The following PROX1 variants were observed in gnomAD, a reference collection of about 807,000 sequenced individuals.
The protein encoded by PROX1 is prospero homeobox protein 1.
In PROX1, 7 loss-of-function variants were observed where a neutral mutation model predicts 58.8. The ratio of observed to expected loss-of-function variants is 0.12; its 90% CI spans 0.07 to 0.22. The LOEUF (loss-of-function observed/expected upper bound fraction) is 0.22. Ranked by LOEUF, PROX1 falls within the 10% of genes least tolerant of loss-of-function variation. PROX1 has a pLI of 1.00. For missense variants in PROX1, 675 were observed against 927.8 expected (o/e 0.73, Z 3.54); for synonymous variants, 350 against 358.3 (o/e 0.98, Z 0.26).
chr1:213,986,388 G>C (rs939646230), upstream of PROX1: 2 of 152,144 alleles, frequency 1.3e-5, no homozygotes, highest in Non-Finnish European at 2.9e-5. Flanking sequence ...CGTGCCAAAA[G>C]TTTCCTGCCG....
rs762987208 is a variant in PROX1 at position 213,997,463 on chromosome 1, C to A, written c.928C>A (p.Arg310=). ...GCTAGACCCAGGACAGTTTATTGACCGAGCTCGAGCCCTGATCAGAGAGCA... is the reference window on the plus strand; with the variant it reads ...GCTAGACCCAGGACAGTTTATTGACAGAGCTCGAGCCCTGATCAGAGAGCA... The part of the protein sequence containing the change: ...CELDPGQFID[R]ARALIREQEM... Residue 310 remains arginine, a synonymous_variant, in exon 2 of 5, where the codon CGA becomes AGA. Coordinates refer to ENST00000366958, the MANE Select transcript of PROX1 (RefSeq NM_001270616.2). The surrounding 1 kb of genome is among the most constrained non-coding windows in gnomAD (Gnocchi z 7.1). 1.2e-6 allele frequency: 2 copies of A among 1,614,052 alleles called. No individual in the cohort carries two copies. Among genetic ancestry groups the A allele is most frequent in the East Asian group, 2.2e-5 (1 of 44,878 alleles).
intron 1 of PROX1, 67 bp from the exon 2 acceptor site, chr1:213,996,402 T>C (rs982954697): frequency 1.9e-6 from 2 of 1,075,348 alleles, no homozygotes; most frequent in Non-Finnish European, 2.6e-6. Context: ...TGATTCAGGA[T>C]TGAGGTCAGG....
chr1:214,035,544 T>C, intron 4 of PROX1, 105 bp from the exon 5 acceptor site: 2 of 1,154,878 alleles, frequency 1.7e-6, no homozygotes, highest in Non-Finnish European at 2.4e-6. Context: ...GCAGGTGCCA[T>C]GTAAGCCCCT....
Position 214,008,056 on chromosome 1 carries a change from A to AT in PROX1, c.1833+2796dup, listed in dbSNP as rs3835650. ...TCAAATAATAAAGTTATTTTATTCA[A>AT]TTTTTTTTTTTTGAGACGGAATTTC... is the stretch of plus-strand genomic sequence containing the variant. On this transcript the variant is annotated intron_variant, in intron 3 of 4. Transcript: ENST00000366958. Among the ~76,000 whole-genome samples, 519 of 149,044 alleles carry AT rather than the reference A, an allele frequency of 3.5e-3. 2 individuals are homozygous for AT. Among genetic ancestry groups the AT allele is most frequent in the African/African-American group, 0.011 (465 of 40,674 alleles).
chr1:213,993,146 AT>A (rs1663097640), intron 1 of PROX1, among the ~76,000 whole-genome samples: 3 of 152,218 alleles, frequency 2.0e-5, no homozygotes, highest in Non-Finnish European at 4.4e-5. Context: ...AAAATATTTA[AT>A]GATGAAAAAC....
At chr1:213,987,314 G>A (rs1452677351), upstream of PROX1, among the ~76,000 whole-genome samples, 1 of 151,810 alleles carries the variant, frequency 6.6e-6, no homozygotes, top group Non-Finnish European at 1.5e-5. Context: ...GTATTTTATT[G>A]TCCACCTCCC....
At chr1:213,999,211 AT>A (rs990378814) in intron 2 of PROX1, among the ~76,000 whole-genome samples, 60 of 151,520 alleles carry the variant, frequency 4.0e-4, no homozygotes, top group Middle Eastern at 3.4e-3. Context: ...TTAACTGAAG[AT>A]TTTTTTTTCT....
chr1:214,006,543 G>A (rs1663719702), intron 3 of PROX1, among the ~76,000 whole-genome samples: 1 of 152,202 alleles, frequency 6.6e-6, no homozygotes, highest in Non-Finnish European at 1.5e-5. Context: ...ATAAGACTAA[G>A]TGAGCACAAA....
intron 1 of PROX1, among the ~76,000 whole-genome samples, chr1:213,991,883 T>C (rs1478535023): frequency 1.3e-5 from 2 of 152,226 alleles, no homozygotes; most frequent in Non-Finnish European, 2.9e-5. Flanking sequence ...ACTGATGTTA[T>C]AATATGAAAA....
intron 4 of PROX1, among the ~76,000 whole-genome samples, chr1:214,026,500 A>G (rs1194281073): frequency 6.6e-6 from 1 of 152,224 alleles, no homozygotes; most frequent in Non-Finnish European, 1.5e-5. Context: ...AAATGTATGC[A>G]CAATTTATTA....
chr1:214,001,579 C>T (rs12073658), intron 2 of PROX1, among the ~76,000 whole-genome samples: 42,772 of 151,896 alleles, frequency 0.28, 6,267 homozygotes, highest in Admixed American at 0.39. Flanking sequence ...CTGAAACAGC[C>T]GGCTTTTTCT....
At chr1:213,999,779 A>C (rs997635267) in intron 2 of PROX1, among the ~76,000 whole-genome samples, 1 of 152,236 alleles carries the variant, frequency 6.6e-6, no homozygotes, top group East Asian at 1.9e-4. Context: ...TCAAAGCTGC[A>C]CCAAGCACCA....
intron 1 of PROX1, among the ~76,000 whole-genome samples, chr1:213,993,096 A>G (rs1663095345): frequency 6.6e-6 from 1 of 152,230 alleles, no homozygotes; most frequent in Non-Finnish European, 1.5e-5. Flanking sequence ...TATAAGAATT[A>G]CTAAAGCATT....
chr1:214,006,952 C>T (rs529014814), intron 3 of PROX1, among the ~76,000 whole-genome samples: 5 of 152,290 alleles, frequency 3.3e-5, no homozygotes, highest in African/African-American at 7.2e-5. Context: ...TCACCCACCA[C>T]GGAAACACAG....
chr1:214,032,853 G>A (rs1246459493), intron 4 of PROX1, among the ~76,000 whole-genome samples: 3 of 152,156 alleles, frequency 2.0e-5, no homozygotes, highest in Non-Finnish European at 2.9e-5. Context: ...GATAACCTAT[G>A]ATTGCCACCA....
At position 214,008,951 on chromosome 1, in the gene PROX1, G is replaced by A. The variant is rs117968584; in HGVS notation, c.1834-2570G>A. On this transcript the variant is annotated intron_variant, in intron 3 of 4. Transcript: ENST00000366958. ...AAATGTGAGAGAGCTGCCAGGGATC[G>A]ATGGGCCGCACCAGCTCCCTGTTCA... Among the ~76,000 whole-genome samples, 95 of 152,284 alleles carry A rather than the reference G, an allele frequency of 6.2e-4. No individual in the cohort carries two copies. In the East Asian group the frequency reaches 0.018, roughly 28 times the overall value.
At chr1:214,011,863 G>A in intron 4 of PROX1, 148 bp downstream of exon 4, 1 of 583,188 alleles carries the variant, frequency 1.7e-6, no homozygotes, top group Non-Finnish European at 2.7e-6. Flanking sequence ...GTGATGAGGA[G>A]CTTCCATAGT....
Position 213,996,845 on chromosome 1 carries a change from A to T in PROX1, c.310A>T (p.Asn104Tyr). ...SQLLKNNMNK[N>Y]GGTEPSFQAS... ...GCTGTTGAAAAATAACATGAACAAAAATGGTGGCACGGAGCCCAGTTTCCA... is the reference window on the plus strand; with the variant it reads ...GCTGTTGAAAAATAACATGAACAAATATGGTGGCACGGAGCCCAGTTTCCA... The change falls in exon 2 of 5, where the codon AAT (asparagine) becomes TAT (tyrosine). Residue 104 changes from asparagine to tyrosine, a missense_variant. Physicochemically the swap from Asn to Tyr is moderately radical, Grantham distance 143. Coordinates refer to ENST00000366958, the MANE Select transcript of PROX1 (RefSeq NM_001270616.2). 6.2e-7 allele frequency: 1 copy of T among 1,614,148 alleles called. No individual in the cohort carries two copies. The highest frequency in any genetic ancestry group is 1.6e-4 in the Middle Eastern group (1 of 6,062).
At chr1:213,985,297 C>G (rs548730781), upstream of PROX1, 2 of 152,200 alleles carry the variant, frequency 1.3e-5, no homozygotes, top group Non-Finnish European at 2.9e-5. Flanking sequence ...ATAGGGGGCT[C>G]GGGCCTCAAG....
Sources: gnomAD v4.1 joint callset for allele counts (sites outside exome capture counted in the v4.1 genomes callset) on GRCh38, gnomAD v4.1.1 for gene constraint, Gnocchi (gnomAD v3.1) non-coding constraint, MANE v1.5 for transcripts, NCBI Gene and HGNC (gene_info 2026-07-23, HGNC 2026-07-21) for gene names.